The following CGNL1 variants were observed in gnomAD, a reference collection of about 807,000 sequenced individuals.
CGNL1 encodes the protein cingulin-like protein 1.
A neutral mutation model predicts 141.2 loss-of-function variants in CGNL1; 132 were observed. The ratio of observed to expected loss-of-function variants is 0.93; its 90% CI spans 0.81 to 1.08. The LOEUF is 1.08. Ranked by LOEUF, CGNL1 falls within the 50% of genes least tolerant of loss-of-function variation. The pLI, the probability that CGNL1 is intolerant of heterozygous loss-of-function variation, is 0.00. For synonymous variants in CGNL1, 690 were observed against 622.1 expected, an observed-to-expected ratio of 1.11 and a Z score of -1.63; for missense variants, 1,870 against 1,588.6, an observed-to-expected ratio of 1.18 and a Z score of -3.01.
intron 1 of CGNL1, among the ~76,000 whole-genome samples, chr15:57,425,740 CAAA>C (rs35847617): frequency 7.0e-5 from 8 of 114,146 alleles, no homozygotes; most frequent in South Asian, 3.0e-4. Context: ...GAGCCTGTCT[CAAA>C]AAAAAAAAAA....
chr15:57,430,942 G>A (rs368599039), intron 1 of CGNL1, among the ~76,000 whole-genome samples: 3 of 152,056 alleles, frequency 2.0e-5, no homozygotes, highest in Non-Finnish European at 4.4e-5. Flanking sequence ...GGCTGGTATC[G>A]AATTCCTGGC....
At chr15:57,494,358 A>G (rs1422161666) in intron 8 of CGNL1, among the ~76,000 whole-genome samples, 2 of 152,146 alleles carry the variant, frequency 1.3e-5, no homozygotes, top group African/African-American at 2.4e-5. Flanking sequence ...GTTCTCTTCT[A>G]CATGTCTCTA....
At chr15:57,450,542 A>G (rs949032052) in intron 4 of CGNL1, among the ~76,000 whole-genome samples, 1 of 152,092 alleles carries the variant, frequency 6.6e-6, no homozygotes. Context: ...CTCCCAAAGT[A>G]CTGGGATTAC....
chr15:57,411,207 C>G (rs539004512), intron 1 of CGNL1, among the ~76,000 whole-genome samples: 1 of 152,112 alleles, frequency 6.6e-6, no homozygotes, highest in East Asian at 1.9e-4. Context: ...TTTTAGAATA[C>G]GAGCTTATTT....
chr15:57,459,351 G>C (rs568858038), intron 7 of CGNL1, among the ~76,000 whole-genome samples: 1 of 152,156 alleles, frequency 6.6e-6, no homozygotes, highest in Non-Finnish European at 1.5e-5. Context: ...ATAAGTAGGC[G>C]AGTCAAATGC....
At chr15:57,544,719 C>T (rs2032763103) in intron 16 of CGNL1, 122 bp downstream of exon 16, 2 of 1,143,248 alleles carry the variant, frequency 1.7e-6, no homozygotes, top group Admixed American at 2.6e-5. Context: ...GGCAGAGCAA[C>T]TACACCCTTA....
At chr15:57,411,067 T>A (rs75489296) in intron 1 of CGNL1, among the ~76,000 whole-genome samples, 16,168 of 152,148 alleles carry the variant, frequency 0.11, 972 homozygotes, top group Middle Eastern at 0.21. Context: ...TTATCACATT[T>A]ATACCATGTT....
chr15:57,426,189 G>T (rs1415176946), intron 1 of CGNL1, among the ~76,000 whole-genome samples: 25 of 152,012 alleles, frequency 1.6e-4, no homozygotes, highest in Admixed American at 2.0e-4. Context: ...CTGTCACCCA[G>T]ACTGGAGTAC....
intron 3 of CGNL1, among the ~76,000 whole-genome samples, chr15:57,441,098 G>A (rs1420938222): frequency 6.6e-6 from 1 of 150,644 alleles, no homozygotes; most frequent in Non-Finnish European, 1.5e-5. Context: ...AAGCTTTACA[G>A]CCTACATGAC....
At chr15:57,450,901 TAC>T (rs1295464280) in intron 4 of CGNL1, among the ~76,000 whole-genome samples, 9 of 152,206 alleles carry the variant, frequency 5.9e-5, no homozygotes, top group Non-Finnish European at 1.0e-4. Flanking sequence ...GTTCTGTAGA[TAC>T]AGAGGTGCAT....
At chr15:57,394,403 G>T (rs2062579878) in intron 1 of CGNL1, among the ~76,000 whole-genome samples, 1 of 152,104 alleles carries the variant, frequency 6.6e-6, no homozygotes, top group Admixed American at 6.6e-5. Context: ...GGGATTACAG[G>T]CGTGAACCAC....
intron 1 of CGNL1, among the ~76,000 whole-genome samples, chr15:57,411,345 C>T (rs2062784608): frequency 6.6e-6 from 1 of 152,284 alleles, no homozygotes; most frequent in African/African-American, 2.4e-5. Context: ...GGAGTCAAAA[C>T]CAGATCTGGT....
rs1437222912 is a variant in CGNL1 at position 57,548,716 on chromosome 15, A to C, written c.*1226A>C. On this transcript the variant is annotated 3_prime_UTR_variant, in exon 19 of 19. Coordinates refer to ENST00000281282, the MANE Select transcript of CGNL1 (RefSeq NM_032866.5). ...TCTGGAAGGATAGGGCTGTGTGGTC[A>C]TGTCCCACAGCAAGCTTTTGGGATC... The C allele has an allele frequency of 6.6e-6, 1 of 152,228 alleles. No homozygotes were observed. Among genetic ancestry groups the C allele is most frequent in the African/African-American group, 2.4e-5 (1 of 41,432 alleles). The allele number at this position is 152,228 out of a possible 1,614,324, so 9.4% of individuals were successfully genotyped here.
At chr15:57,516,641 C>T (rs1267060860) in intron 8 of CGNL1, 139 bp from the exon 9 acceptor site, 11 of 816,282 alleles carry the variant, frequency 1.3e-5, no homozygotes, top group East Asian at 2.7e-5. Flanking sequence ...TGCAGGCTGT[C>T]GTTTGCCGAC....
chr15:57,489,338 T>A (rs1186170041), intron 8 of CGNL1, among the ~76,000 whole-genome samples: 2 of 152,260 alleles, frequency 1.3e-5, no homozygotes, highest in African/African-American at 4.8e-5. Context: ...AATTGAGTGA[T>A]GTCATATATT....
chr15:57,444,266 A>G (rs1418468245), intron 4 of CGNL1, among the ~76,000 whole-genome samples: 1 of 151,852 alleles, frequency 6.6e-6, no homozygotes, highest in Non-Finnish European at 1.5e-5. Flanking sequence ...TGTTGCATGT[A>G]CTCGTAGTTT....
At chr15:57,492,966 AC>A (rs1333280859) in intron 8 of CGNL1, among the ~76,000 whole-genome samples, 1 of 152,164 alleles carries the variant, frequency 6.6e-6, no homozygotes. Flanking sequence ...TTACTTCCTT[AC>A]TGTGAAGTAT....
At position 57,523,489 on chromosome 15, in the gene CGNL1, G is replaced by C; in HGVS notation, c.2716G>C (p.Gly906Arg). ...ALENELEAAQ[G>R]NLSQTTQEQK... is the part of the protein sequence containing the mutation. ...ACTGTCCTTTCCCTGCCATTTGCAG[G>C]GAAATCTGAGTCAGACTACCCAGGA... is the stretch of plus-strand genomic sequence containing the variant. The change falls in exon 11 of 19, where the codon GGA (glycine) becomes CGA (arginine). Residue 906 changes from glycine to arginine, a missense_variant and splice_region_variant. By Grantham distance (125) the Gly-to-Arg change is moderately radical (BLOSUM62 -2). Transcript: ENST00000281282. 6.2e-7 allele frequency: 1 copy of C among 1,614,104 alleles called. No individual in the cohort carries two copies. Among genetic ancestry groups the C allele is most frequent in the Non-Finnish European group, 8.5e-7 (1 of 1,180,014 alleles).
intron 1 of CGNL1, among the ~76,000 whole-genome samples, chr15:57,418,346 T>TCA (rs2062873496): frequency 6.6e-6 from 1 of 152,204 alleles, no homozygotes; most frequent in African/African-American, 2.4e-5. Context: ...TTTTTGGTAC[T>TCA]CATTTCTTGC....
Sources: gnomAD v4.1 joint callset for allele counts (sites outside exome capture counted in the v4.1 genomes callset) on GRCh38, gnomAD v4.1.1 for gene constraint, MANE v1.5 for transcripts, NCBI Gene and HGNC (gene_info 2026-07-23, HGNC 2026-07-21) for gene names.